FLT1: variants seen among roughly 807,000 people sequenced by gnomAD.
FLT1 encodes vascular endothelial growth factor receptor 1.
In FLT1, 49 loss-of-function variants were observed where a neutral mutation model predicts 156.3. The ratio of observed to expected loss-of-function variants is 0.31; its 90% CI spans 0.25 to 0.40. The LOEUF (loss-of-function observed/expected upper bound fraction) is 0.40. FLT1 is among the 10% of genes least tolerant of loss of function. The probability of loss-of-function intolerance (pLI) is 1.00; values close to 1 mark genes in which losing one functional copy is unlikely to be tolerated. For synonymous variants in FLT1, 594 were observed against 583.8 expected (o/e 1.02, Z -0.25); for missense variants, 1,322 against 1,637.2 (o/e 0.81, Z 3.32).
At chr13:28,428,715 T>C (rs1877495764) in intron 8 of FLT1, among the ~76,000 whole-genome samples, 1 of 152,328 alleles carries the variant, frequency 6.6e-6, no homozygotes, top group Admixed American at 6.5e-5. Context: ...TTCTATGATT[T>C]CATTAAAATG....
intron 3 of FLT1, among the ~76,000 whole-genome samples, chr13:28,443,435 C>G (rs1324877075): frequency 6.6e-6 from 1 of 152,176 alleles, no homozygotes; most frequent in East Asian, 1.9e-4. Flanking sequence ...CTGCTGTGTT[C>G]AGAGCAAGTA....
At chr13:28,303,922 A>C (rs1057241696) in intron 29 of FLT1, among the ~76,000 whole-genome samples, 4 of 152,204 alleles carry the variant, frequency 2.6e-5, no homozygotes, top group Admixed American at 2.6e-4. Context: ...GAAACGTTTT[A>C]GTCACGGTGC....
At chr13:28,433,984 A>G (rs1317651025) in intron 5 of FLT1, 29 bp from the exon 6 acceptor site, 1 of 1,613,900 alleles carries the variant, frequency 6.2e-7, no homozygotes, top group African/African-American at 1.3e-5. Flanking sequence ...AATTTTTTAA[A>G]ATTAAGATTT....
In FLT1 at chr13:28,364,238, G is replaced by A. The variant is rs562646354; in HGVS notation, c.2117-6553C>T. Among the ~76,000 whole-genome samples, 32 of 152,162 alleles carry A rather than the reference G, an allele frequency of 2.1e-4. 1 individual carries two copies. Among genetic ancestry groups the A allele is most frequent in the African/African-American group, 7.2e-4 (30 of 41,532 alleles). On this transcript the variant is annotated intron_variant, in intron 14 of 29. Transcript: ENST00000282397. Reference sequence around the variant, plus strand: ...TTTATTTACTTATTTATTGAGATGAGGTCTCTTTCTATTGCCCAGGCTGGA... The same window carrying A: ...TTTATTTACTTATTTATTGAGATGAAGTCTCTTTCTATTGCCCAGGCTGGA...
intron 16 of FLT1, 88 bp downstream of exon 16, chr13:28,345,357 C>G (rs1241201018): frequency 5.2e-6 from 4 of 772,124 alleles, no homozygotes; most frequent in Non-Finnish European, 6.8e-6. Context: ...GAAAGAGGGT[C>G]CAACATTTGT....
intron 3 of FLT1, among the ~76,000 whole-genome samples, chr13:28,443,271 A>G (rs563305930): frequency 2.6e-5 from 4 of 152,276 alleles, no homozygotes; most frequent in Non-Finnish European, 5.9e-5. Context: ...TCAAACAGGG[A>G]CCCTTGCTCA....
chr13:28,462,272 A>G (rs147608701), intron 3 of FLT1, among the ~76,000 whole-genome samples: 149 of 152,312 alleles, frequency 9.8e-4, no homozygotes, highest in African/African-American at 3.2e-3. Context: ...CTCATATATT[A>G]CAATAATATT....
At chr13:28,388,491 AT>A in intron 13 of FLT1, 2 of 1,038,446 alleles carry the variant, frequency 1.9e-6, no homozygotes, top group Non-Finnish European at 2.3e-6. Flanking sequence ...GTCACATATA[AT>A]GATCAATCAT....
At chr13:28,391,451 T>C (rs568791685) in intron 12 of FLT1, among the ~76,000 whole-genome samples, 179 of 152,288 alleles carry the variant, frequency 1.2e-3, no homozygotes, top group African/African-American at 4.0e-3. Flanking sequence ...AATGCAACCG[T>C]TTTTCTCTCA....
chr13:28,458,473 G>A (rs1375322197), intron 3 of FLT1, among the ~76,000 whole-genome samples: 1 of 152,188 alleles, frequency 6.6e-6, no homozygotes, highest in East Asian at 1.9e-4. Flanking sequence ...TTCTCTCTGA[G>A]GGAATGGCCT....
chr13:28,427,667 G>T, intron 9 of FLT1, 85 bp downstream of exon 9: 1 of 1,206,232 alleles, frequency 8.3e-7, no homozygotes, highest in Non-Finnish European at 1.2e-6. Context: ...TATCTTTGAT[G>T]TTGTTACGCT....
At chr13:28,367,758 AC>A (rs1190481764) in intron 14 of FLT1, among the ~76,000 whole-genome samples, 9 of 152,228 alleles carry the variant, frequency 5.9e-5, no homozygotes, top group African/African-American at 2.2e-4. Flanking sequence ...TACTAGTCTG[AC>A]CAGCAACTTC....
At chr13:28,384,787 G>A (rs1874252662) in intron 14 of FLT1, 98 bp downstream of exon 14, 2 of 1,138,588 alleles carry the variant, frequency 1.8e-6, no homozygotes, top group South Asian at 2.5e-5. Flanking sequence ...TCAGCAAGTA[G>A]GTCTATACAT....
chr13:28,382,375 T>A (rs1874115373), intron 14 of FLT1, among the ~76,000 whole-genome samples: 1 of 152,208 alleles, frequency 6.6e-6, no homozygotes, highest in African/African-American at 2.4e-5. Context: ...GAATATAAAG[T>A]TATAAAATTC....
At chr13:28,385,928 T>C (rs1434995592) in intron 13 of FLT1, 1 of 1,051,504 alleles carries the variant, frequency 9.5e-7, no homozygotes. Flanking sequence ...GGTACTGGAT[T>C]GGTAGCTAAA....
chr13:28,400,461 A>G (rs1196220618), intron 11 of FLT1, among the ~76,000 whole-genome samples: 1 of 152,232 alleles, frequency 6.6e-6, no homozygotes, highest in African/African-American at 2.4e-5. Flanking sequence ...ATATTTTTAA[A>G]TTATAAATTC....
rs370471242 is a variant in FLT1, at chr13:28,430,517, A to G, written c.989-350T>C. Among the ~76,000 whole-genome samples the G allele has an allele frequency of 6.1e-4, 93 of 152,314 alleles. 1 individual carries two copies. In the East Asian group the frequency reaches 7.1e-3, roughly 12 times the overall value. On this transcript the variant is annotated intron_variant, in intron 7 of 29. Transcript: ENST00000282397. ...GCAAGGTGAGAAAAAGTTGCTCTGTACACCCTAAAACAACCAATTTGATAT... is the reference window on the plus strand; with the variant it reads ...GCAAGGTGAGAAAAAGTTGCTCTGTGCACCCTAAAACAACCAATTTGATAT...
At chr13:28,313,298 G>A (rs967969299) in intron 25 of FLT1, among the ~76,000 whole-genome samples, 4 of 152,132 alleles carry the variant, frequency 2.6e-5, no homozygotes, top group African/African-American at 9.7e-5. Flanking sequence ...CATTTTAGAT[G>A]TAAAGGTATC....
intron 18 of FLT1, among the ~76,000 whole-genome samples, chr13:28,332,650 G>A (rs1465717489): frequency 2.6e-5 from 4 of 152,146 alleles, no homozygotes; most frequent in African/African-American, 4.8e-5. Context: ...GAAGACTTTC[G>A]CACACAAACC....
Sources: gnomAD v4.1 joint callset for allele counts (sites outside exome capture counted in the v4.1 genomes callset) on GRCh38, gnomAD v4.1.1 for gene constraint, MANE v1.5 for transcripts, NCBI Gene and HGNC (gene_info 2026-07-23, HGNC 2026-07-21) for gene names.